Variants in ARHGAP42 observed in about 807,000 individuals in gnomAD.
ARHGAP42 encodes the protein Rho GTPase activating protein 42, also known as rho GTPase-activating protein 42.
Under a neutral mutation model 125.0 loss-of-function variants are expected in ARHGAP42, and 63 were observed. The ratio of observed to expected loss-of-function variants is 0.50; its 90% CI spans 0.41 to 0.62. The LOEUF is 0.62. ARHGAP42 is among the 20% of genes least tolerant of loss of function. ARHGAP42 has a pLI of 0.00. For missense variants in ARHGAP42, 766 were observed against 1,024.2 expected, an observed-to-expected ratio of 0.75 and a Z score of 3.44; for synonymous variants, 339 against 351.0, an observed-to-expected ratio of 0.97 and a Z score of 0.38.
At chr11:100,698,829 T>A (rs1256573759) in intron 1 of ARHGAP42, among the ~76,000 whole-genome samples, 1 of 152,178 alleles carries the variant, frequency 6.6e-6, no homozygotes, top group Non-Finnish European at 1.5e-5. Flanking sequence ...TGCGGGAGAT[T>A]TGGGAAAGCT....
At chr11:100,805,937 T>C (rs1863977007) in intron 3 of ARHGAP42, among the ~76,000 whole-genome samples, 1 of 152,206 alleles carries the variant, frequency 6.6e-6, no homozygotes, top group South Asian at 2.1e-4. Flanking sequence ...GCAAGGTCTT[T>C]ATGACCAGCA....
At chr11:100,806,216 C>T (rs1311687605) in intron 3 of ARHGAP42, among the ~76,000 whole-genome samples, 1 of 152,198 alleles carries the variant, frequency 6.6e-6, no homozygotes, top group Admixed American at 6.5e-5. Flanking sequence ...TTCCCCCATT[C>T]TTGAACCCAG....
rs200215652 is a variant in ARHGAP42 at position 100,818,632 on chromosome 11, AT to A, written c.312+23469del. ...TCCTGGAGTGAATATTGGAGAATATATTTATCCAAAAGGACAGCTTACATCT... is the reference window on the plus strand; with the variant it reads ...TCCTGGAGTGAATATTGGAGAATATATTATCCAAAAGGACAGCTTACATCT... On this transcript the variant is annotated intron_variant, in intron 3 of 23. Transcript: ENST00000298815. Among the ~76,000 whole-genome samples the A allele has an allele frequency of 6.6e-3, 1,010 of 152,062 alleles. 15 individuals carry two copies. Among genetic ancestry groups the A allele is most frequent in the African/African-American group, 0.023 (942 of 41,356 alleles).
intron 3 of ARHGAP42, among the ~76,000 whole-genome samples, chr11:100,815,157 A>T (rs1180213448): frequency 1.3e-5 from 2 of 152,218 alleles, no homozygotes; most frequent in African/African-American, 2.4e-5. Context: ...ACCCAAAATT[A>T]TTTAACACTG....
chr11:100,947,466 TTTAAA>T (rs1428699485), intron 10 of ARHGAP42, among the ~76,000 whole-genome samples: 1 of 151,990 alleles, frequency 6.6e-6, no homozygotes, highest in African/African-American at 2.4e-5. Flanking sequence ...TTTTTTCATC[TTTAAA>T]TTAAGGATAA....
intron 3 of ARHGAP42, among the ~76,000 whole-genome samples, chr11:100,806,958 G>A (rs1295247594): frequency 6.6e-6 from 1 of 150,446 alleles, no homozygotes; most frequent in Non-Finnish European, 1.5e-5. Flanking sequence ...AGTGATTCTT[G>A]TGCCTTGACC....
chr11:100,986,750 G>T (rs984002432), intron 22 of ARHGAP42, among the ~76,000 whole-genome samples: 4 of 152,034 alleles, frequency 2.6e-5, no homozygotes, highest in African/African-American at 4.8e-5. Flanking sequence ...GACCTGCCTG[G>T]TGCCTTGATT....
At chr11:100,878,606 C>A (rs189540084) in intron 4 of ARHGAP42, among the ~76,000 whole-genome samples, 1 of 152,212 alleles carries the variant, frequency 6.6e-6, no homozygotes, top group Non-Finnish European at 1.5e-5. Flanking sequence ...AACTAAAATA[C>A]CACATTCTCT....
intron 15 of ARHGAP42, among the ~76,000 whole-genome samples, chr11:100,962,056 A>T (rs1486308281): frequency 1.3e-5 from 2 of 152,180 alleles, no homozygotes; most frequent in Non-Finnish European, 2.9e-5. Context: ...TAAATAACAA[A>T]TTGGAATGGA....
chr11:100,717,592 GTGC>G, intron 1 of ARHGAP42, among the ~76,000 whole-genome samples: 1 of 144,738 alleles, frequency 6.9e-6, no homozygotes, highest in South Asian at 2.2e-4. Context: ...AGCCGAGATT[GTGC>G]CACTGCACTC....
intron 1 of ARHGAP42, among the ~76,000 whole-genome samples, chr11:100,734,707 GT>G (rs1278243882): frequency 6.6e-6 from 1 of 152,192 alleles, no homozygotes; most frequent in Admixed American, 6.5e-5. Context: ...GCTTCAAAAT[GT>G]CAACCTGTTG....
intron 20 of ARHGAP42, 32 bp downstream of exon 20, chr11:100,976,469 A>G (rs1160487383): frequency 3.4e-6 from 5 of 1,489,696 alleles, no homozygotes; most frequent in Admixed American, 2.6e-5. Context: ...GCAAGATGTC[A>G]TTGTCTCAGT....
At chr11:100,757,485 G>A (rs1030772922) in intron 1 of ARHGAP42, among the ~76,000 whole-genome samples, 1 of 152,172 alleles carries the variant, frequency 6.6e-6, no homozygotes, top group Non-Finnish European at 1.5e-5. Flanking sequence ...TGAGATGGCT[G>A]TAGTAAGTCA....
intron 5 of ARHGAP42, among the ~76,000 whole-genome samples, chr11:100,917,052 T>TGTGTGTG (rs1565274728): frequency 2.1e-5 from 3 of 145,328 alleles, no homozygotes; most frequent in African/African-American, 5.1e-5. Context: ...TGTGTGTGTG[T>TGTGTGTG]TACACATCAA....
intron 4 of ARHGAP42, among the ~76,000 whole-genome samples, chr11:100,873,947 G>C (rs1225461999): frequency 6.6e-6 from 1 of 152,154 alleles, no homozygotes; most frequent in Non-Finnish European, 1.5e-5. Flanking sequence ...GTGAAAGGCT[G>C]GTGCTGAGAA....
At chr11:100,733,823 T>TG (rs1187398904) in intron 1 of ARHGAP42, among the ~76,000 whole-genome samples, 9 of 38,342 alleles carry the variant, frequency 2.3e-4, no homozygotes, top group African/African-American at 9.3e-4. Context: ...AGATTCTGTC[T>TG]GGAAAAAAAA....
chr11:100,947,464 T>G (rs1023858241), intron 10 of ARHGAP42, among the ~76,000 whole-genome samples: 1 of 151,962 alleles, frequency 6.6e-6, no homozygotes, highest in African/African-American at 2.4e-5. Context: ...GGTTTTTTCA[T>G]CTTTAAATTA....
At chr11:100,817,274 C>T (rs1451532316) in intron 3 of ARHGAP42, among the ~76,000 whole-genome samples, 11 of 152,180 alleles carry the variant, frequency 7.2e-5, no homozygotes, top group Non-Finnish European at 1.3e-4. Flanking sequence ...GACAACCCAA[C>T]ACGTCTGCAG....
rs567912161 is a variant in ARHGAP42 at position 100,919,551 on chromosome 11, T to C, written c.487-1943T>C. On this transcript the variant is annotated intron_variant, in intron 5 of 23. Coordinates refer to ENST00000298815, the MANE Select transcript of ARHGAP42 (RefSeq NM_152432.4). The stretch of plus-strand genomic sequence containing the variant: ...CCCATGTGCTAGGCAACACAATCAG[T>C]GATGTTATGTATTTTTTCTTTTTTA... Among the ~76,000 whole-genome samples the C allele has an allele frequency of 2.0e-5, 3 of 151,932 alleles. No individual in the cohort carries two copies. In the East Asian group the frequency reaches 5.8e-4, roughly 29 times the overall value.
Sources: allele counts gnomAD v4.1 joint callset (sites outside exome capture counted in the v4.1 genomes callset), GRCh38; gene constraint gnomAD v4.1.1; transcripts MANE v1.5; gene names NCBI Gene and HGNC (gene_info 2026-07-23, HGNC 2026-07-21).